The following HIVEP3 variants were observed in gnomAD, a reference collection of about 807,000 sequenced individuals.
HIVEP3 encodes the protein HIVEP zinc finger 3.
HIVEP3 carries 49 observed loss-of-function variants against 152.8 expected under a neutral mutation model. That is an observed-to-expected ratio of 0.32 (90% CI 0.26 to 0.41). The LOEUF is 0.41. HIVEP3 is among the 10% of genes least tolerant of loss of function. The pLI, the probability that HIVEP3 is intolerant of heterozygous loss-of-function variation, is 1.00. For synonymous variants in HIVEP3, 1,269 were observed against 1,289.0 expected (o/e 0.98, Z 0.33); for missense variants, 2,790 against 3,103.3 (o/e 0.90, Z 2.40).
chr1:41,694,310 A>G lies in HIVEP3; in HGVS notation c.-721+6606T>C, dbSNP rs536581260. 3.3e-5 allele frequency among the ~76,000 whole-genome samples: 5 copies of G among 152,224 alleles called. No individual in the cohort carries two copies. The South Asian group carries it at 1.0e-3, about 32-fold the overall frequency. ...CCCCACTCAGCACTCGGCCTTTTGC[A>G]TGCCCCACCCGACCTTTTTACCCAA... On this transcript the variant is annotated intron_variant, in intron 2 of 8. Coordinates refer to ENST00000372583, the MANE Select transcript of HIVEP3 (RefSeq NM_024503.5).
intron 2 of HIVEP3, among the ~76,000 whole-genome samples, chr1:41,663,732 A>G (rs147808420): frequency 6.6e-6 from 1 of 152,280 alleles, no homozygotes; most frequent in East Asian, 1.9e-4. Flanking sequence ...GCTTGCAGAG[A>G]GTCAAGGCAG....
intron 1 of HIVEP3, among the ~76,000 whole-genome samples, chr1:42,031,520 T>C (rs1258462538): frequency 6.6e-6 from 1 of 152,216 alleles, no homozygotes; most frequent in Non-Finnish European, 1.5e-5. Context: ...GTCCCATGCA[T>C]TACAGGATGT....
chr1:41,799,385 C>A (rs1042845425), intron 1 of HIVEP3, among the ~76,000 whole-genome samples: 2 of 152,190 alleles, frequency 1.3e-5, no homozygotes, highest in African/African-American at 4.8e-5. Context: ...ACTTCAGTGC[C>A]TTTGCATATG....
chr1:41,722,241 C>T (rs2124169872), intron 1 of HIVEP3, among the ~76,000 whole-genome samples: 1 of 152,288 alleles, frequency 6.6e-6, no homozygotes, highest in African/African-American at 2.4e-5. Context: ...CCAGTGGAGT[C>T]CTTGTTCCAC....
intron 2 of HIVEP3, among the ~76,000 whole-genome samples, chr1:41,630,090 T>C (rs114228038): frequency 7.8e-4 from 119 of 152,356 alleles, no homozygotes; most frequent in African/African-American, 2.4e-3. Flanking sequence ...GAATATTATG[T>C]AGTCATAAAA....
intron 3 of HIVEP3, among the ~76,000 whole-genome samples, chr1:41,608,718 T>C (rs1048121780): frequency 1.3e-5 from 2 of 152,236 alleles, no homozygotes; most frequent in Non-Finnish European, 1.5e-5. Flanking sequence ...TAGGAATGTT[T>C]CCGTCCCACG....
rs755737082 is a variant in HIVEP3 at position 41,579,783 on chromosome 1, G to A, written c.5015C>T (p.Ala1672Val). Residue 1672 changes from alanine to valine, a missense_variant, in exon 4 of 9, where the codon GCA (alanine) becomes GTA (valine). Coordinates refer to ENST00000372583, the MANE Select transcript of HIVEP3 (RefSeq NM_024503.5). ...GGAGCTGGATGGCACAAGCCTTCCT[G>A]CCTCAGGATGCGGAGCTGTGGCCAT... ...YTMATAPHPE[A>V]GRLVPSSSRK... 3 of 1,603,744 alleles carry A rather than the reference G, an allele frequency of 1.9e-6. No homozygotes were observed. The highest frequency in any genetic ancestry group is 2.7e-5 in the African/African-American group (2 of 74,878).
Position 41,910,987 on chromosome 1 carries a change from A to G in HIVEP3, c.-801+7426T>C, listed in dbSNP as rs1443733425. Among the ~76,000 whole-genome samples, 5 of 152,260 alleles carry G rather than the reference A, an allele frequency of 3.3e-5. No individual in the cohort carries two copies. In the East Asian group the frequency reaches 9.6e-4, roughly 29 times the overall value. On this transcript the variant is annotated intron_variant, in intron 1 of 8. Transcript: ENST00000372583. ...TCCTTTAAAAGACACAAAATGTTCAATGATAAAGGAAAGATTGATAAATTT... is the reference window on the plus strand; with the variant it reads ...TCCTTTAAAAGACACAAAATGTTCAGTGATAAAGGAAAGATTGATAAATTT...
intron 1 of HIVEP3, among the ~76,000 whole-genome samples, chr1:41,987,571 T>C (rs898361401): frequency 4.0e-5 from 6 of 151,884 alleles, no homozygotes; most frequent in Non-Finnish European, 7.4e-5. Context: ...AAAACAGACA[T>C]AGAGACCAAT....
At position 41,738,599 on chromosome 1, in the gene HIVEP3, C is replaced by A. The variant is rs116755774; in HGVS notation, c.-800-37604G>T. On this transcript the variant is annotated intron_variant, in intron 1 of 8. Transcript: ENST00000372583. ...AGGCATCAGGTGACTTGCTCAAGTTCCCATGATCCATCAGCTCACAGGACC... is the reference window on the plus strand; with the variant it reads ...AGGCATCAGGTGACTTGCTCAAGTTACCATGATCCATCAGCTCACAGGACC... Among the ~76,000 whole-genome samples the A allele has an allele frequency of 7.3e-3, 1,118 of 152,282 alleles. 4 individuals carry two copies. Among genetic ancestry groups the A allele is most frequent in the Middle Eastern group, 0.024 (7 of 294 alleles).
At chr1:41,625,676 A>G (rs1306757864) in intron 3 of HIVEP3, among the ~76,000 whole-genome samples, 1 of 152,250 alleles carries the variant, frequency 6.6e-6, no homozygotes, top group Non-Finnish European at 1.5e-5. Flanking sequence ...TTGAGGCTGC[A>G]GTGAGCTATG....
At chr1:41,645,681 G>T (rs1645448153) in intron 2 of HIVEP3, among the ~76,000 whole-genome samples, 1 of 152,218 alleles carries the variant, frequency 6.6e-6, no homozygotes, top group Admixed American at 6.5e-5. Context: ...TTGTTCCCAA[G>T]CTGTAGCCCA....
chr1:41,672,279 C>T (rs1039384212), intron 2 of HIVEP3, among the ~76,000 whole-genome samples: 23 of 152,238 alleles, frequency 1.5e-4, no homozygotes, highest in African/African-American at 4.6e-4. Context: ...CAGACCCCCA[C>T]CTGAGCTCTG....
intron 1 of HIVEP3, among the ~76,000 whole-genome samples, chr1:41,997,516 AG>A (rs1272471514): frequency 6.6e-6 from 1 of 152,256 alleles, no homozygotes; most frequent in Middle Eastern, 3.2e-3. Flanking sequence ...CTTTATGCAC[AG>A]TTGAAGCCAA....
rs12744227 is a variant in HIVEP3, at chr1:41,513,578, C to T, written c.5643G>A (p.Ala1881=). ...GTGCATGTGGTGGGCCAGGCGGGGG[C>T]GCCTCTGAGGATGGTCTGGACAGCT... ...QDELSRPSSE[A]PPPGPPHALR... is the part of the protein sequence containing the mutation. Residue 1881 remains alanine (A), a synonymous_variant, in exon 8 of 9, where the codon GCG becomes GCA. Transcript: ENST00000372583. 25,595 of 1,612,874 alleles carry T rather than the reference C, an allele frequency of 0.016. 277 individuals are homozygous for T. The highest frequency in any genetic ancestry group is 0.018 in the Non-Finnish European group (21,600 of 1,179,660).
chr1:41,762,099 C>CT lies in HIVEP3; in HGVS notation c.-800-61105dup, dbSNP rs1334065303. Among the ~76,000 whole-genome samples, 7 of 152,176 alleles carry CT rather than the reference C, an allele frequency of 4.6e-5. No homozygotes were observed. The East Asian group carries it at 1.4e-3, about 29-fold the overall frequency. Reference sequence around the variant, plus strand: ...CTTTGAGTGGTGCCTTTGTTTTAGCCTTTTTTGCATACCCACAAACCAATC... The same window carrying CT: ...CTTTGAGTGGTGCCTTTGTTTTAGCCTTTTTTTGCATACCCACAAACCAATC... On this transcript the variant is annotated intron_variant, in intron 1 of 8. Coordinates refer to ENST00000372583, the MANE Select transcript of HIVEP3 (RefSeq NM_024503.5).
intron 1 of HIVEP3, among the ~76,000 whole-genome samples, chr1:41,858,902 G>A (rs956679793): frequency 5.3e-5 from 8 of 152,188 alleles, no homozygotes; most frequent in East Asian, 1.9e-4. Context: ...CAAAGCTTCC[G>A]AGGCAGGAAA....
intron 1 of HIVEP3, among the ~76,000 whole-genome samples, chr1:41,884,091 T>C (rs531744190): frequency 3.5e-4 from 53 of 152,108 alleles, no homozygotes; most frequent in Non-Finnish European, 7.4e-4. Context: ...TCAGCCTCCC[T>C]GGTAGCTGGG....
chr1:41,798,696 G>C (rs759987945), intron 1 of HIVEP3, among the ~76,000 whole-genome samples: 23 of 151,816 alleles, frequency 1.5e-4, no homozygotes, highest in Non-Finnish European at 3.1e-4. Context: ...TCTTTGCTTT[G>C]TTAAATAATC....
Sources: allele counts gnomAD v4.1 joint callset (sites outside exome capture counted in the v4.1 genomes callset), GRCh38; gene constraint gnomAD v4.1.1; transcripts MANE v1.5; gene names NCBI Gene and HGNC (gene_info 2026-07-23, HGNC 2026-07-21).